Variants in MARCHF1 observed in about 807,000 individuals in gnomAD.
MARCHF1 encodes membrane associated ring-CH-type finger 1.
In MARCHF1, 40 loss-of-function variants were observed where a neutral mutation model predicts 54.2. The ratio of observed to expected loss-of-function variants is 0.74; its 90% confidence interval spans 0.57 to 0.96. The LOEUF is 0.96. Among genes scored for constraint, MARCHF1 ranks in the 40% least tolerant of loss-of-function variants. The pLI is 0.00. For synonymous variants in MARCHF1, 236 were observed against 236.3 expected (o/e 1.00, Z 0.01); for missense variants, 586 against 656.5 (o/e 0.89, Z 1.17).
At position 163,958,868 on chromosome 4, in the gene MARCHF1, G is replaced by T. The variant is rs541647768; in HGVS notation, c.-39+29633C>A. ...TAGAAAATAACAAAAATGACATTCT[G>T]GGGCTTCCGAATCCAGGCTTTAAAA... On this transcript the variant is annotated intron_variant, in intron 3 of 9. Coordinates refer to ENST00000514618, the MANE Select transcript of MARCHF1 (RefSeq NM_001394959.1). Among the ~76,000 whole-genome samples, 11 of 151,940 alleles carry T rather than the reference G, an allele frequency of 7.2e-5. No individual in the cohort carries two copies. The South Asian group carries it at 2.1e-3, about 29-fold the overall frequency.
intron 4 of MARCHF1, among the ~76,000 whole-genome samples, chr4:163,798,075 T>C (rs530627468): frequency 7.6e-4 from 116 of 152,166 alleles, no homozygotes; most frequent in Non-Finnish European, 1.5e-3. Flanking sequence ...CATTCATATA[T>C]CAAAACCCTA....
At chr4:164,289,507 A>G (rs1734233621) in intron 1 of MARCHF1, among the ~76,000 whole-genome samples, 3 of 151,240 alleles carry the variant, frequency 2.0e-5, no homozygotes, top group Non-Finnish European at 3.0e-5. Flanking sequence ...TTATTGATGC[A>G]GCCACTTTTC....
intron 1 of MARCHF1, among the ~76,000 whole-genome samples, chr4:164,254,073 T>C (rs960846404): frequency 1.3e-5 from 2 of 152,250 alleles, no homozygotes; most frequent in East Asian, 3.9e-4. Context: ...TTCTCTATCT[T>C]GACTGCAGTG....
intron 3 of MARCHF1, among the ~76,000 whole-genome samples, chr4:163,984,949 T>C (rs1413686989): frequency 6.6e-6 from 1 of 152,140 alleles, no homozygotes; most frequent in Non-Finnish European, 1.5e-5. Flanking sequence ...CTCCCAAAGC[T>C]TTCCCGAGAA....
rs537892065 is a variant in MARCHF1 at position 164,135,465 on chromosome 4, G to A, written c.-322-23803C>T. 6.6e-5 allele frequency: 10 copies of A among 152,316 alleles called. No homozygotes were observed. The South Asian group carries it at 2.1e-3, about 32-fold the overall frequency. The allele number at this position is 152,316 out of a possible 1,614,324, so 9.4% of individuals were successfully genotyped here. ...GCCTCAGAAAATTCACAATCATGGT[G>A]GAAGGGGAAGCAAACACATCCTTCT... On this transcript the variant is annotated intron_variant, in intron 1 of 9. Transcript: ENST00000514618.
chr4:163,904,689 A>C (rs1230090412), intron 3 of MARCHF1, among the ~76,000 whole-genome samples: 1 of 152,176 alleles, frequency 6.6e-6, no homozygotes, highest in Non-Finnish European at 1.5e-5. Context: ...TTCTATGAAT[A>C]GGTCCCACTC....
At chr4:164,046,453 T>C (rs1029865617) in intron 2 of MARCHF1, among the ~76,000 whole-genome samples, 4 of 152,226 alleles carry the variant, frequency 2.6e-5, no homozygotes, top group Non-Finnish European at 5.9e-5. Context: ...ACTATTCCAA[T>C]GATAACCATT....
intron 2 of MARCHF1, among the ~76,000 whole-genome samples, chr4:164,044,763 T>C (rs56314496): frequency 0.12 from 18,207 of 151,976 alleles, 1,259 homozygotes; most frequent in South Asian, 0.22. Context: ...ATAGACTCTC[T>C]AGTCTATACA....
At chr4:164,300,281 C>T (rs1734520468) in intron 1 of MARCHF1, among the ~76,000 whole-genome samples, 1 of 152,052 alleles carries the variant, frequency 6.6e-6, no homozygotes, top group Non-Finnish European at 1.5e-5. Flanking sequence ...ATAAATCATA[C>T]ACGTGGCTGA....
At chr4:164,319,232 G>A (rs1735076592) in intron 1 of MARCHF1, among the ~76,000 whole-genome samples, 1 of 151,988 alleles carries the variant, frequency 6.6e-6, no homozygotes, top group African/African-American at 2.4e-5. Flanking sequence ...CTTATACTAG[G>A]TATTATAAGT....
At chr4:164,227,078 G>A (rs916268088) in intron 1 of MARCHF1, among the ~76,000 whole-genome samples, 1 of 151,998 alleles carries the variant, frequency 6.6e-6, no homozygotes, top group African/African-American at 2.4e-5. Flanking sequence ...TGGCCAAGAA[G>A]GTTGAATTAG....
chr4:163,695,915 C>T (rs1744614496), intron 5 of MARCHF1, among the ~76,000 whole-genome samples: 2 of 151,860 alleles, frequency 1.3e-5, no homozygotes, highest in Admixed American at 1.3e-4. Context: ...GTAACAAGCA[C>T]TAATATAAAA....
At position 163,776,792 on chromosome 4, in the gene MARCHF1, A is replaced by T. The variant is rs1022264212; in HGVS notation, c.112-75929T>A. On this transcript the variant is annotated intron_variant, in intron 4 of 9. Coordinates refer to ENST00000514618, the MANE Select transcript of MARCHF1 (RefSeq NM_001394959.1). The stretch of plus-strand genomic sequence containing the variant: ...ATGAAAGTATCTTGTAAGTATTATC[A>T]CTGCTGTAGAAATGGTTAGTCTTGG... 4.6e-5 allele frequency among the ~76,000 whole-genome samples: 7 copies of T among 152,268 alleles called. No homozygotes were observed. In the South Asian group the frequency reaches 1.5e-3, roughly 32 times the overall value.
At chr4:164,373,920 A>G (rs1192408194) in intron 1 of MARCHF1, among the ~76,000 whole-genome samples, 4 of 152,242 alleles carry the variant, frequency 2.6e-5, no homozygotes, top group Non-Finnish European at 5.9e-5. Context: ...ATTTATCACC[A>G]TGAAAACACA....
intron 1 of MARCHF1, among the ~76,000 whole-genome samples, chr4:164,254,690 C>T (rs1733225801): frequency 6.7e-6 from 1 of 148,524 alleles, no homozygotes; most frequent in African/African-American, 2.4e-5. Flanking sequence ...AATTTGGAGT[C>T]CGATATTCAA....
chr4:163,616,975 C>A (rs1482561239), intron 5 of MARCHF1, among the ~76,000 whole-genome samples: 1 of 152,026 alleles, frequency 6.6e-6, no homozygotes, highest in African/African-American at 2.4e-5. Flanking sequence ...ATTATTGTAG[C>A]ATTATTCACA....
chr4:163,898,536 G>C (rs1750867312), intron 3 of MARCHF1, among the ~76,000 whole-genome samples: 1 of 152,172 alleles, frequency 6.6e-6, no homozygotes, highest in South Asian at 2.1e-4. Context: ...AAGAACAACA[G>C]ATGTTGGTGA....
chr4:163,807,392 TAA>T (rs1748257135), intron 4 of MARCHF1, among the ~76,000 whole-genome samples: 1 of 152,186 alleles, frequency 6.6e-6, no homozygotes, highest in Non-Finnish European at 1.5e-5. Context: ...GGAAGCAACT[TAA>T]TACTTTTTCC....
At chr4:164,151,030 G>A (rs2052971) in intron 1 of MARCHF1, among the ~76,000 whole-genome samples, 28,714 of 152,010 alleles carry the variant, frequency 0.19, 4,357 homozygotes, top group African/African-American at 0.41. Flanking sequence ...GAAAATCACA[G>A]TCAAGGACCT....
Sources: allele counts gnomAD v4.1 joint callset (sites outside exome capture counted in the v4.1 genomes callset), GRCh38; gene constraint gnomAD v4.1.1; transcripts MANE v1.5; gene names NCBI Gene and HGNC (gene_info 2026-07-23, HGNC 2026-07-21).